APOOL: variants seen among roughly 807,000 people sequenced by gnomAD.
APOOL encodes the protein apolipoprotein O like.
A neutral mutation model predicts 23.1 loss-of-function variants in APOOL; 12 were observed. The ratio of observed to expected loss-of-function variants is 0.52; its 90% CI spans 0.33 to 0.84. The LOEUF (loss-of-function observed/expected upper bound fraction) is 0.84, where lower values mean the gene tolerates loss of function less well. Among genes scored for constraint, APOOL ranks in the 40% least tolerant of loss-of-function variants. The pLI is 0.02. For synonymous variants in APOOL, 77 were observed against 69.9 expected, an observed-to-expected ratio of 1.10 and a Z score of -0.51; for missense variants, 212 against 199.6, an observed-to-expected ratio of 1.06 and a Z score of -0.37.
intron 1 of APOOL, among the ~76,000 whole-genome samples, chrX:85,015,238 A>T (rs1041252510): frequency 6.3e-5 from 7 of 110,927 alleles, no homozygotes; most frequent in East Asian, 2.8e-4. Context: ...TGTATTTTTT[A>T]AAAAAATTAT....
At chrX:85,076,061 A>G (rs1602793177) in intron 8 of APOOL, among the ~76,000 whole-genome samples, 1 of 110,875 alleles carries the variant, frequency 9.0e-6, no homozygotes, top group South Asian at 3.8e-4. Flanking sequence ...GGCAGAGAAG[A>G]GAGGGAAGCA....
intron 1 of APOOL, among the ~76,000 whole-genome samples, chrX:85,025,510 A>G (rs1465362707): frequency 2.7e-5 from 3 of 112,240 alleles, no homozygotes; most frequent in African/African-American, 9.7e-5. Flanking sequence ...TATCTGAGAC[A>G]AGGCAAGTCC....
intron 1 of APOOL, among the ~76,000 whole-genome samples, chrX:85,026,746 C>T (rs1354235805): frequency 9.0e-6 from 1 of 111,596 alleles, no homozygotes; most frequent in African/African-American, 3.3e-5. Context: ...CTGACCTTCG[C>T]TCCAGTTCCC....
At chrX:85,086,543 C>T (rs1003543594) in intron 8 of APOOL, among the ~76,000 whole-genome samples, 37 of 111,680 alleles carry the variant, frequency 3.3e-4, no homozygotes, top group Non-Finnish European at 4.9e-4. Context: ...ATTCTACCTT[C>T]AACATTATCC....
At chrX:85,048,856 T>G (rs1922664217) in intron 2 of APOOL, among the ~76,000 whole-genome samples, 1 of 111,365 alleles carries the variant, frequency 9.0e-6, no homozygotes. Flanking sequence ...TGCCATCTAG[T>G]GAACATAATT....
At chrX:85,058,270 G>C (rs1569458032) in intron 5 of APOOL, among the ~76,000 whole-genome samples, 1 of 109,293 alleles carries the variant, frequency 9.1e-6, no homozygotes, top group South Asian at 4.0e-4. Flanking sequence ...TCCCCTCCCT[G>C]TGTCCATGTC....
At chrX:85,016,271 ATAATGCCCAAC>A (rs1360549107) in intron 1 of APOOL, among the ~76,000 whole-genome samples, 3 of 105,189 alleles carry the variant, frequency 2.9e-5, no homozygotes, top group Non-Finnish European at 5.9e-5. Context: ...TACCAACCTA[ATAATGCCCAAC>A]TGTGGGCCAA....
intron 5 of APOOL, among the ~76,000 whole-genome samples, chrX:85,060,706 T>C (rs900296081): frequency 9.0e-6 from 1 of 111,478 alleles, no homozygotes; most frequent in African/African-American, 3.3e-5. Flanking sequence ...ATAAGAATGC[T>C]TGTGATTTTT....
chrX:85,034,027 T>G (rs1001759143), intron 1 of APOOL, among the ~76,000 whole-genome samples: 2 of 111,628 alleles, frequency 1.8e-5, no homozygotes, highest in Admixed American at 1.9e-4. Flanking sequence ...TTTCTCCCTT[T>G]GTGTTGGTCA....
intron 1 of APOOL, among the ~76,000 whole-genome samples, chrX:85,013,459 A>C (rs1921359270): frequency 9.0e-6 from 1 of 111,563 alleles, no homozygotes; most frequent in South Asian, 3.7e-4. Flanking sequence ...GTAGGCATTT[A>C]ATACCATGAA....
intron 1 of APOOL, among the ~76,000 whole-genome samples, chrX:85,029,891 G>T (rs1381622960): frequency 8.9e-6 from 1 of 111,852 alleles, no homozygotes; most frequent in Non-Finnish European, 1.9e-5. Context: ...GGTGAAAAGG[G>T]AACACTTTTA....
chrX:85,006,117 T>G (rs182731609), intron 1 of APOOL, among the ~76,000 whole-genome samples: 7 of 111,763 alleles, frequency 6.3e-5, no homozygotes, highest in Middle Eastern at 4.6e-3. Context: ...TTTAGAGAAG[T>G]CAGATTATTC....
chrX:85,089,365 A>ACTGTG lies in APOOL; in HGVS notation c.*1687_*1688insCTGTG, dbSNP rs1924464984. The ACTGTG allele has an allele frequency of 8.9e-6, 1 of 112,511 alleles. No individual in the cohort carries two copies. The highest frequency in any genetic ancestry group is 2.8e-4 in the East Asian group (1 of 3,566). 9.3% of individuals were successfully genotyped at this position (112,511 alleles called of 1,213,427 possible). Reference sequence around the variant, plus strand: ...GCATCTGTCCGACTCAGCCTACCACAGTGTTGGGATTACAGGCGTGAGCCA... The same window carrying ACTGTG: ...GCATCTGTCCGACTCAGCCTACCACACTGTGGTGTTGGGATTACAGGCGTGAGCCA... On this transcript the variant is annotated 3_prime_UTR_variant, in exon 9 of 9. Transcript: ENST00000373173.
At chrX:85,082,997 A>T (rs1054701698) in intron 8 of APOOL, among the ~76,000 whole-genome samples, 2 of 111,559 alleles carry the variant, frequency 1.8e-5, no homozygotes, top group African/African-American at 6.5e-5. Flanking sequence ...GGAGTGCCAT[A>T]GGTGAACTGG....
intron 5 of APOOL, among the ~76,000 whole-genome samples, chrX:85,061,086 A>G (rs76369038): frequency 0.47 from 51,396 of 110,167 alleles, 10,659 homozygotes; most frequent in Middle Eastern, 0.66. Flanking sequence ...AGTTTTTAGC[A>G]TGAAGATTTG....
intron 1 of APOOL, among the ~76,000 whole-genome samples, chrX:85,023,456 C>T (rs963931082): frequency 9.0e-6 from 1 of 111,469 alleles, no homozygotes; most frequent in South Asian, 3.8e-4. Flanking sequence ...TGAGAGAATT[C>T]ATATTATTAA....
intron 8 of APOOL, among the ~76,000 whole-genome samples, chrX:85,078,029 T>C (rs1230306198): frequency 9.0e-6 from 1 of 111,525 alleles, no homozygotes; most frequent in Admixed American, 9.5e-5. Context: ...TTTTCTCCCA[T>C]TCTGTAGGTT....
At chrX:85,035,808 C>T (rs1041026468) in intron 1 of APOOL, among the ~76,000 whole-genome samples, 2 of 111,141 alleles carry the variant, frequency 1.8e-5, no homozygotes, top group Non-Finnish European at 3.8e-5. Context: ...CCTGGGTTCT[C>T]TAACCTCTAA....
intron 8 of APOOL, among the ~76,000 whole-genome samples, chrX:85,079,779 G>T (rs750995631): frequency 9.0e-6 from 1 of 111,516 alleles, no homozygotes; most frequent in South Asian, 3.8e-4. Flanking sequence ...CCTGTTATTG[G>T]TCTCTTCAGA....
Sources: gnomAD v4.1 joint callset for allele counts (sites outside exome capture counted in the v4.1 genomes callset) on GRCh38, gnomAD v4.1.1 for gene constraint, MANE v1.5 for transcripts, NCBI Gene and HGNC (gene_info 2026-07-23, HGNC 2026-07-21) for gene names.